Variants in DAPP1 observed in about 807,000 individuals in gnomAD.
The protein encoded by DAPP1 is dual adaptor of phosphotyrosine and 3-phosphoinositides 1, also known as dual adapter for phosphotyrosine and 3-phosphotyrosine and 3-phosphoinositide.
In DAPP1, 20 loss-of-function variants were observed where a neutral mutation model predicts 41.5. The observed-to-expected ratio is 0.48, with a 90% CI of 0.34 to 0.70. The LOEUF (loss-of-function observed/expected upper bound fraction) is 0.70. Among genes scored for constraint, DAPP1 ranks in the 30% least tolerant of loss-of-function variants. The pLI, the probability that DAPP1 is intolerant of heterozygous loss-of-function variation, is 0.01. For synonymous variants in DAPP1, 113 were observed against 116.2 expected (o/e 0.97, Z 0.18); for missense variants, 233 against 333.4 (o/e 0.70, Z 2.35).
At chr4:99,836,476 T>A (rs1723302926) in intron 2 of DAPP1, among the ~76,000 whole-genome samples, 3 of 152,180 alleles carry the variant, frequency 2.0e-5, no homozygotes, top group Non-Finnish European at 1.5e-5. Context: ...CGCTTCTCCA[T>A]GGATTAGGCA....
chr4:99,848,006 G>C (rs1461468542), intron 3 of DAPP1, among the ~76,000 whole-genome samples: 1 of 151,716 alleles, frequency 6.6e-6, no homozygotes, highest in Non-Finnish European at 1.5e-5. Flanking sequence ...TAGAGACGGG[G>C]TTTCATCATG....
chr4:99,833,982 G>A (rs543974659), intron 1 of DAPP1, among the ~76,000 whole-genome samples: 7 of 152,270 alleles, frequency 4.6e-5, no homozygotes, highest in Non-Finnish European at 8.8e-5. Flanking sequence ...TTTTAAACAT[G>A]AGGAACCAAA....
chr4:99,863,045 T>A lies in DAPP1; in HGVS notation c.573T>A (p.Asn191Lys). 4 of 1,589,860 alleles carry A rather than the reference T, an allele frequency of 2.5e-6. No individual in the cohort carries two copies. Among genetic ancestry groups the A allele is most frequent in the Non-Finnish European group, 3.4e-6 (4 of 1,171,948 alleles). ...CAAGATGGTTTACTCTGCACAGGAA[T>A]GAACTGAAATACTTCAAAGACCAGA... Reference protein sequence around the residue: ...WKTRWFTLHRNELKYFKDQMS... With the variant: ...WKTRWFTLHRKELKYFKDQMS... The change falls in exon 6 of 9, where the codon AAT (asparagine) becomes AAA (lysine). Residue 191 changes from asparagine to lysine, a missense_variant. Physicochemically the swap from Asn to Lys is moderately conservative, Grantham distance 94 (BLOSUM62 0). Coordinates refer to ENST00000512369, the MANE Select transcript of DAPP1 (RefSeq NM_014395.3).
intron 4 of DAPP1, among the ~76,000 whole-genome samples, chr4:99,855,364 T>A (rs1283383303): frequency 6.6e-6 from 1 of 152,238 alleles, no homozygotes; most frequent in Non-Finnish European, 1.5e-5. Context: ...TTATCGGCAA[T>A]AAAATGCAGA....
chr4:99,868,243 C>A lies in DAPP1; in HGVS notation c.*58C>A. The A allele has an allele frequency of 7.1e-7, 1 of 1,417,994 alleles. No individual in the cohort carries two copies. Among genetic ancestry groups the A allele is most frequent in the Non-Finnish European group, 1.0e-6 (1 of 1,002,856 alleles). 87.8% of individuals were successfully genotyped at this position (1,417,994 alleles called of 1,614,324 possible). On this transcript the variant is annotated 3_prime_UTR_variant, in exon 9 of 9. Transcript: ENST00000512369. ...AGCAAGGTGGAATGTTTCCCTGACG[C>A]TGTGATCTGCAGCAGGCTTCAAATG...
chr4:99,860,138 A>T (rs1404948822), intron 4 of DAPP1, among the ~76,000 whole-genome samples: 1 of 152,262 alleles, frequency 6.6e-6, no homozygotes, highest in African/African-American at 2.4e-5. Context: ...ATTTTTAAAG[A>T]TAAATGTGCT....
intron 1 of DAPP1, among the ~76,000 whole-genome samples, chr4:99,834,266 G>A (rs1723220648): frequency 6.6e-6 from 1 of 152,174 alleles, no homozygotes; most frequent in Non-Finnish European, 1.5e-5. Flanking sequence ...TAAGTGTGTA[G>A]ACTATCTCTT....
intron 1 of DAPP1, among the ~76,000 whole-genome samples, chr4:99,832,282 T>C (rs1052840970): frequency 2.0e-5 from 3 of 152,240 alleles, no homozygotes; most frequent in African/African-American, 7.2e-5. Flanking sequence ...TTAACTTTTA[T>C]GGACACAGTC....
intron 1 of DAPP1, among the ~76,000 whole-genome samples, chr4:99,831,509 A>G (rs1723119616): frequency 6.6e-6 from 1 of 152,178 alleles, no homozygotes; most frequent in Non-Finnish European, 1.5e-5. Flanking sequence ...CACTTTATTT[A>G]TCATCTCCAT....
In DAPP1 at chr4:99,868,701, CA is replaced by C. The variant is rs902767628; in HGVS notation, c.*526del. On this transcript the variant is annotated 3_prime_UTR_variant, in exon 9 of 9. Transcript: ENST00000512369. ...TTTTTTTAATTTTTCCCCCTTTATACAAAAAAAAAAGAACATTTCCAAAACT... is the reference window on the plus strand; with the variant it reads ...TTTTTTTAATTTTTCCCCCTTTATACAAAAAAAAAGAACATTTCCAAAACT... 57 of 137,170 alleles carry C rather than the reference CA, an allele frequency of 4.2e-4. No individual in the cohort carries two copies. The highest frequency in any genetic ancestry group is 1.2e-3 in the Admixed American group (16 of 13,816). 8.5% of individuals were successfully genotyped at this position (137,170 alleles called of 1,614,324 possible). A position where few individuals can be genotyped will look rare whatever the true frequency, so the allele number is the denominator to read the frequency against.
At chr4:99,860,725 C>T (rs1224556690) in intron 4 of DAPP1, among the ~76,000 whole-genome samples, 1 of 152,124 alleles carries the variant, frequency 6.6e-6, no homozygotes. Flanking sequence ...AATCACTTCC[C>T]AATTTTTGTT....
intron 1 of DAPP1, among the ~76,000 whole-genome samples, chr4:99,820,507 T>C (rs1722736660): frequency 6.6e-6 from 1 of 152,236 alleles, no homozygotes; most frequent in Admixed American, 6.5e-5. Context: ...ATAAACGTTC[T>C]CTTTTTTAAA....
rs532420863 is a variant in DAPP1, at chr4:99,816,827, G to A, written c.-87G>A. On this transcript the variant is annotated 5_prime_UTR_variant, in exon 1 of 9. Coordinates refer to ENST00000512369, the MANE Select transcript of DAPP1 (RefSeq NM_014395.3). The stretch of plus-strand genomic sequence containing the variant: ...CACTTCCTTGCCTTGGAGACTCAGA[G>A]CCATAGCAGGCTGCTGTCTCACAGA... 1.7e-6 allele frequency: 2 copies of A among 1,204,760 alleles called. No homozygotes were observed. Among genetic ancestry groups the A allele is most frequent in the South Asian group, 2.9e-5 (2 of 69,798 alleles). The allele number at this position is 1,204,760 out of a possible 1,614,324, so 74.6% of individuals were successfully genotyped here.
intron 1 of DAPP1, among the ~76,000 whole-genome samples, chr4:99,822,647 T>G (rs114475649): frequency 0.012 from 1,752 of 152,302 alleles, 41 homozygotes; most frequent in African/African-American, 0.039. Flanking sequence ...CCATCTGGTT[T>G]GTCAGCATTC....
chr4:99,867,642 A>G (rs10018937), intron 8 of DAPP1, among the ~76,000 whole-genome samples: 12,474 of 152,300 alleles, frequency 0.082, 604 homozygotes, highest in East Asian at 0.24. Context: ...GCTTAGGTAT[A>G]TCTAAGAGAA....
At chr4:99,872,093 G>T (rs1387395612), downstream of DAPP1, among the ~76,000 whole-genome samples, 4 of 152,168 alleles carry the variant, frequency 2.6e-5, no homozygotes, top group African/African-American at 9.7e-5. Flanking sequence ...TGTGAAGAAG[G>T]GTCTATGAGG....
At chr4:99,867,728 C>T (rs972534635) in intron 8 of DAPP1, among the ~76,000 whole-genome samples, 16 of 152,132 alleles carry the variant, frequency 1.1e-4, no homozygotes, top group Admixed American at 2.6e-4. Context: ...AAACTCCAAA[C>T]AAAACAAATC....
chr4:99,864,421 C>CT (rs956292391), intron 7 of DAPP1: 1,763 of 146,780 alleles, frequency 0.012, 30 homozygotes, highest in African/African-American at 0.038. Flanking sequence ...AGTCTATCCA[C>CT]TTTTTTTTTT....
rs1560693264 is a variant in DAPP1 at position 99,835,680 on chromosome 4, A to ATGTGACGGCAGCTACCT, written c.161_177dup (p.Leu60ValfsTer7). 1.9e-5 allele frequency: 31 copies of ATGTGACGGCAGCTACCT among 1,613,804 alleles called. No individual in the cohort carries two copies. Among genetic ancestry groups the ATGTGACGGCAGCTACCT allele is most frequent in the Non-Finnish European group, 2.6e-5 (31 of 1,179,832 alleles). On this transcript the variant is annotated frameshift_variant, in exon 2 of 9. Coordinates refer to ENST00000512369, the MANE Select transcript of DAPP1 (RefSeq NM_014395.3). LOFTEE classifies it high-confidence loss of function. The stretch of plus-strand genomic sequence containing the variant: ...CTGAAGCTCTTCTCCTCTCAAATGG[A>ATGTGACGGCAGCTACCT]TGTGACGGCAGCTACCTTCTGAGGG...
Sources: gnomAD v4.1 joint callset for allele counts (sites outside exome capture counted in the v4.1 genomes callset) on GRCh38, gnomAD v4.1.1 for gene constraint, MANE v1.5 for transcripts, NCBI Gene and HGNC (gene_info 2026-07-23, HGNC 2026-07-21) for gene names.